The following ESRRG variants were observed in gnomAD, a reference collection of about 807,000 sequenced individuals.
ESRRG encodes the protein estrogen related receptor gamma.
ESRRG carries 13 observed loss-of-function variants against 44.0 expected under a neutral mutation model. The observed-to-expected ratio is 0.30, with a 90% CI of 0.19 to 0.47. The LOEUF (loss-of-function observed/expected upper bound fraction) is 0.47. ESRRG is among the 20% of genes least tolerant of loss of function. The pLI is 1.00. For synonymous variants in ESRRG, 215 were observed against 214.6 expected, an observed-to-expected ratio of 1.00 and a Z score of -0.02; for missense variants, 395 against 580.6, an observed-to-expected ratio of 0.68 and a Z score of 3.29.
intron 2 of ESRRG, among the ~76,000 whole-genome samples, chr1:216,923,439 A>C (rs937023993): frequency 1.3e-5 from 2 of 152,242 alleles, no homozygotes; most frequent in African/African-American, 4.8e-5. Flanking sequence ...AGATTTACCA[A>C]AAATCGGGAC....
At chr1:216,641,514 G>A (rs1455035164) in intron 3 of ESRRG, among the ~76,000 whole-genome samples, 3 of 152,210 alleles carry the variant, frequency 2.0e-5, no homozygotes, top group African/African-American at 7.2e-5. Flanking sequence ...GGCAGATGGT[G>A]CACAAAGTCA....
At chr1:217,080,840 G>C (rs2091701207) in intron 1 of ESRRG, among the ~76,000 whole-genome samples, 1 of 151,908 alleles carries the variant, frequency 6.6e-6, no homozygotes, top group East Asian at 1.9e-4. Context: ...ATCATGACCA[G>C]TTAATTTTTT....
rs577476643 is a variant in ESRRG, at chr1:216,888,241, T to C, written c.-14+51341A>G. Among the ~76,000 whole-genome samples, 138 of 152,328 alleles carry C rather than the reference T, an allele frequency of 9.1e-4. 1 individual carries two copies. The highest frequency in any genetic ancestry group is 3.4e-3 in the Middle Eastern group (1 of 294). The stretch of plus-strand genomic sequence containing the variant: ...TTTTTCTCATGGCAACAATTCGTTA[T>C]TACAGCTGCAGAATTTTTAAAATCC... On this transcript the variant is annotated intron_variant, in intron 2 of 7. Transcript: ENST00000359162.
At chr1:216,943,539 T>C (rs1220692455) in intron 1 of ESRRG, among the ~76,000 whole-genome samples, 1 of 152,230 alleles carries the variant, frequency 6.6e-6, no homozygotes, top group African/African-American at 2.4e-5. Context: ...TTCACCCAGC[T>C]GTCCTTGGGG....
intron 2 of ESRRG, among the ~76,000 whole-genome samples, chr1:216,760,338 AATAAT>A (rs1362077158): frequency 6.6e-6 from 1 of 151,888 alleles, no homozygotes; most frequent in African/African-American, 2.4e-5. Flanking sequence ...AGATATAGAG[AATAAT>A]ATAAGAATAT....
At chr1:216,847,689 T>C (rs147726976) in intron 2 of ESRRG, among the ~76,000 whole-genome samples, 26 of 152,252 alleles carry the variant, frequency 1.7e-4, no homozygotes, top group Admixed American at 3.9e-4. Context: ...TCTGTGATTC[T>C]ACTATGATAT....
chr1:216,645,693 G>A (rs953181603), intron 3 of ESRRG, among the ~76,000 whole-genome samples: 2 of 151,868 alleles, frequency 1.3e-5, no homozygotes, highest in Non-Finnish European at 2.9e-5. Flanking sequence ...GTAACATAGT[G>A]AGATGCCATT....
intron 1 of ESRRG, among the ~76,000 whole-genome samples, chr1:216,990,392 T>C (rs17044806): frequency 0.26 from 38,813 of 152,114 alleles, 5,330 homozygotes; most frequent in African/African-American, 0.33. Flanking sequence ...CGTTTTAGCC[T>C]CATTTATATA....
chr1:216,841,312 C>T lies in ESRRG; in HGVS notation c.-14+98270G>A, dbSNP rs550980228. ...GCCTCTCCACCCCGCAGGCCTTTTCCGTTTTGAGAAGCTCTTAGAGCACAG... is the reference window on the plus strand; with the variant it reads ...GCCTCTCCACCCCGCAGGCCTTTTCTGTTTTGAGAAGCTCTTAGAGCACAG... On this transcript the variant is annotated intron_variant, in intron 2 of 7. Transcript: ENST00000359162. 1.1e-3 allele frequency among the ~76,000 whole-genome samples: 164 copies of T among 152,160 alleles called. 1 individual carries two copies. Among genetic ancestry groups the T allele is most frequent in the African/African-American group, 3.9e-3 (160 of 41,544 alleles).
At chr1:216,655,472 A>C (rs1407730458) in intron 2 of ESRRG, among the ~76,000 whole-genome samples, 1 of 152,168 alleles carries the variant, frequency 6.6e-6, no homozygotes, top group Non-Finnish European at 1.5e-5. Context: ...AAAGTAAAGA[A>C]ATGACTACAC....
At chr1:216,752,729 G>A (rs1235653186) in intron 2 of ESRRG, among the ~76,000 whole-genome samples, 1 of 152,098 alleles carries the variant, frequency 6.6e-6, no homozygotes. Flanking sequence ...ACAGTAGAGT[G>A]TAGTGGACAT....
intron 2 of ESRRG, chr1:216,863,403 C>T (rs1416066995): frequency 6.6e-6 from 1 of 152,196 alleles, no homozygotes; most frequent in East Asian, 1.9e-4. Context: ...CTCAGAATTT[C>T]TTTCCTTCAA....
chr1:216,518,040 G>A (rs1226922796), intron 6 of ESRRG, among the ~76,000 whole-genome samples: 1 of 152,042 alleles, frequency 6.6e-6, no homozygotes, highest in Non-Finnish European at 1.5e-5. Flanking sequence ...AAACAGTCAC[G>A]CGTCCCTGGC....
At chr1:217,011,266 C>T (rs2078568569) in intron 1 of ESRRG, among the ~76,000 whole-genome samples, 1 of 152,174 alleles carries the variant, frequency 6.6e-6, no homozygotes, top group Non-Finnish European at 1.5e-5. Context: ...ACCTGTTTCT[C>T]CTGATTTTAG....
intron 3 of ESRRG, among the ~76,000 whole-genome samples, chr1:216,621,867 T>G (rs2062293986): frequency 6.6e-6 from 1 of 152,164 alleles, no homozygotes; most frequent in Admixed American, 6.5e-5. Context: ...TCTTTCCCTT[T>G]CTAGGCCCAC....
intron 2 of ESRRG, among the ~76,000 whole-genome samples, chr1:216,675,311 G>T (rs2075901042): frequency 6.6e-6 from 1 of 151,782 alleles, no homozygotes; most frequent in Admixed American, 6.6e-5. Flanking sequence ...AGTGAGCCGA[G>T]ATCATGCCAT....
At chr1:216,634,378 G>A (rs2064858823) in intron 3 of ESRRG, among the ~76,000 whole-genome samples, 1 of 149,324 alleles carries the variant, frequency 6.7e-6, no homozygotes, top group East Asian at 2.0e-4. Context: ...TTCTCCTGGG[G>A]GAAAAGATGG....
At chr1:216,937,868 C>T (rs999203465) in intron 2 of ESRRG, among the ~76,000 whole-genome samples, 1 of 151,908 alleles carries the variant, frequency 6.6e-6, no homozygotes, top group Non-Finnish European at 1.5e-5. Context: ...ATGTGACCCA[C>T]CAAAGAAATA....
At chr1:216,873,209 GTTTTTTT>G (rs754735743) in intron 2 of ESRRG, among the ~76,000 whole-genome samples, 1 of 105,948 alleles carries the variant, frequency 9.4e-6, no homozygotes, top group African/African-American at 3.8e-5. Flanking sequence ...CATCTTTTCA[GTTTTTTT>G]TTTTTTTTTT....
Sources: allele counts gnomAD v4.1 joint callset (sites outside exome capture counted in the v4.1 genomes callset), GRCh38; gene constraint gnomAD v4.1.1; transcripts MANE v1.5; gene names NCBI Gene and HGNC (gene_info 2026-07-23, HGNC 2026-07-21).